BPI: variants seen among roughly 807,000 people sequenced by gnomAD.
The protein encoded by BPI is bactericidal permeability increasing protein, also known as bactericidal permeability-increasing protein.
In BPI, 48 loss-of-function variants were observed where a neutral mutation model predicts 57.6. The ratio of observed to expected loss-of-function variants is 0.83; its 90% confidence interval spans 0.66 to 1.06. BPI has a LOEUF of 1.06. Ranked by LOEUF, BPI falls within the 50% of genes least tolerant of loss-of-function variation. The pLI, the probability that BPI is intolerant of heterozygous loss-of-function variation, is 0.00. For synonymous variants in BPI, 237 were observed against 238.2 expected (o/e 0.99, Z 0.05); for missense variants, 651 against 609.7 (o/e 1.07, Z -0.71).
chr20:38,331,101 G>A lies in BPI; in HGVS notation c.1272+11G>A. On this transcript the variant is annotated intron_variant, in intron 12 of 14. Coordinates refer to ENST00000642449, the MANE Select transcript of BPI (RefSeq NM_001725.3). ...ATTGGCCCCTTCCCGGTGAGTCTGA[G>A]GCCCTTGGTGGCTTCTTCCTCCTTC... 1 of 1,613,848 alleles carries A rather than the reference G, an allele frequency of 6.2e-7. No homozygotes were observed. Among genetic ancestry groups the A allele is most frequent in the South Asian group, 1.1e-5 (1 of 91,068 alleles).
rs2076740075 is a variant in BPI at position 38,331,083 on chromosome 20, C to T, written c.1265C>T (p.Pro422Leu). The T allele has an allele frequency of 6.2e-7, 1 of 1,613,996 alleles. No individual in the cohort carries two copies. The highest frequency in any genetic ancestry group is 1.1e-5 in the South Asian group (1 of 91,076). Residue 422 changes from proline (P) to leucine (L), a missense_variant, in exon 12 of 15, where the codon CCC becomes CTC. Coordinates refer to ENST00000642449, the MANE Select transcript of BPI (RefSeq NM_001725.3). ...GAACTGAAGCACTCAAATATTGGCCCCTTCCCGGTGAGTCTGAGGCCCTTG... is the reference window on the plus strand; with the variant it reads ...GAACTGAAGCACTCAAATATTGGCCTCTTCCCGGTGAGTCTGAGGCCCTTG... ...LLELKHSNIG[P>L]FPVELLQDIM... is the part of the protein sequence containing the mutation.
At chr20:38,316,463 C>A (rs958276879) in intron 5 of BPI, among the ~76,000 whole-genome samples, 3 of 152,198 alleles carry the variant, frequency 2.0e-5, no homozygotes, top group Non-Finnish European at 2.9e-5. Context: ...GCCTGGGCTG[C>A]AAAGTAAGGC....
chr20:38,335,969 T>C (rs181249759), intron 14 of BPI, among the ~76,000 whole-genome samples: 1 of 152,302 alleles, frequency 6.6e-6, no homozygotes, highest in Non-Finnish European at 1.5e-5. Flanking sequence ...GAGCCTCTTT[T>C]TTAAGGTGCA....
Position 38,337,277 on chromosome 20 carries a change from C to G in BPI, c.*93C>G, listed in dbSNP as rs570023783. On this transcript the variant is annotated 3_prime_UTR_variant, in exon 15 of 15. Coordinates refer to ENST00000642449, the MANE Select transcript of BPI (RefSeq NM_001725.3). ...TTTCCCCAGGGAATCCTCTCCAGAT[C>G]TTAACCAAGAGCCCCTTGCAAACTT... The G allele has an allele frequency of 2.7e-6, 3 of 1,124,156 alleles. No individual in the cohort carries two copies. Among genetic ancestry groups the G allele is most frequent in the Non-Finnish European group, 3.8e-6 (3 of 783,418 alleles). The allele number at this position is 1,124,156 out of a possible 1,614,324, so 69.6% of individuals were successfully genotyped here.
chr20:38,326,233 C>T (rs1018779174), intron 9 of BPI, 32 bp from the exon 10 acceptor site: 1 of 1,589,086 alleles, frequency 6.3e-7, no homozygotes, highest in African/African-American at 1.3e-5. Flanking sequence ...GAAACTCCTC[C>T]TTTCGTTGAT....
chr20:38,326,207 C>A (rs181777178), intron 9 of BPI, 58 bp from the exon 10 acceptor site: 1 of 1,543,180 alleles, frequency 6.5e-7, no homozygotes, highest in Admixed American at 1.8e-5. Context: ...AGGTAGGATT[C>A]AGAAACATTT....
intron 5 of BPI, among the ~76,000 whole-genome samples, chr20:38,316,761 T>G (rs2076654167): frequency 1.3e-5 from 2 of 152,286 alleles, no homozygotes; most frequent in South Asian, 4.1e-4. Context: ...CTCCTACCCT[T>G]CTTTCATTGA....
At chr20:38,312,369 C>A (rs1451514152) in intron 5 of BPI, among the ~76,000 whole-genome samples, 1 of 152,256 alleles carries the variant, frequency 6.6e-6, no homozygotes, top group Non-Finnish European at 1.5e-5. Context: ...AAACCCCAGC[C>A]ATAGCCCATT....
intron 9 of BPI, 65 bp downstream of exon 9, chr20:38,324,898 G>A: frequency 7.4e-7 from 1 of 1,345,100 alleles, no homozygotes; most frequent in East Asian, 2.3e-5. Flanking sequence ...GCTTTGCTGA[G>A]TGGATGATGA....
intron 12 of BPI, 122 bp downstream of exon 12, chr20:38,331,212 T>C: frequency 8.1e-7 from 1 of 1,241,628 alleles, no homozygotes; most frequent in Non-Finnish European, 1.2e-6. Flanking sequence ...AATTTGGTTG[T>C]GAATTAATAG....
intron 6 of BPI, 96 bp downstream of exon 6, chr20:38,318,572 A>C: frequency 7.4e-7 from 1 of 1,358,596 alleles, no homozygotes; most frequent in Non-Finnish European, 1.1e-6. Flanking sequence ...AGTTTCCCAG[A>C]CAGCCCTGGG....
chr20:38,305,437 C>T (rs1483068425), intron 1 of BPI, among the ~76,000 whole-genome samples: 1 of 152,208 alleles, frequency 6.6e-6, no homozygotes, highest in Admixed American at 6.5e-5. Context: ...CAAATCCCTA[C>T]ACATCCTCCC....
chr20:38,309,776 C>T (rs1306238049), intron 3 of BPI, among the ~76,000 whole-genome samples: 2 of 152,204 alleles, frequency 1.3e-5, no homozygotes, highest in African/African-American at 4.8e-5. Context: ...CACAGCTACC[C>T]TGCCCATTAG....
At chr20:38,330,916 G>T in intron 11 of BPI, 132 bp from the exon 12 acceptor site, 1 of 1,022,254 alleles carries the variant, frequency 9.8e-7, no homozygotes, top group Non-Finnish European at 1.5e-6. Context: ...GCTGTGACCC[G>T]TGGAAGGGGA....
intron 12 of BPI, 145 bp downstream of exon 12, chr20:38,331,235 C>A: frequency 1.9e-6 from 2 of 1,031,430 alleles, no homozygotes. Context: ...CAAGGAGCTT[C>A]GTGGGCAGAG....
chr20:38,335,552 C>T, intron 13 of BPI, 46 bp from the exon 14 acceptor site: 4 of 1,566,922 alleles, frequency 2.6e-6, no homozygotes, highest in Non-Finnish European at 3.5e-6. Context: ...CTCCCCTGCC[C>T]TTCTCTTTCT....
rs147461869 is a variant in BPI at position 38,327,501 on chromosome 20, G to A, written c.1162-87G>A. 536 of 1,461,828 alleles carry A rather than the reference G, an allele frequency of 3.7e-4. 2 individuals are homozygous for A. In the East Asian group the frequency reaches 0.011, roughly 30 times the overall value. The allele number at this position is 1,461,828 out of a possible 1,614,324, so 90.6% of individuals were successfully genotyped here. ...ACAGTGTATGCTGCCCTGCTGAGCC[G>A]TTGTGAAGCTGACCCTTCTTGGTTT... On this transcript the variant is annotated intron_variant, in intron 10 of 14. Coordinates refer to ENST00000642449, the MANE Select transcript of BPI (RefSeq NM_001725.3).
chr20:38,313,600 G>C (rs1287547061), intron 5 of BPI, among the ~76,000 whole-genome samples: 5 of 152,148 alleles, frequency 3.3e-5, no homozygotes, highest in Admixed American at 3.3e-4. Flanking sequence ...TTATTTCTTA[G>C]TACCATCTAA....
intron 12 of BPI, 73 bp downstream of exon 12, chr20:38,331,163 C>A: frequency 6.5e-7 from 1 of 1,527,534 alleles, no homozygotes; most frequent in Non-Finnish European, 9.1e-7. Flanking sequence ...GTCATAGGCT[C>A]AAGGCATTAT....
Sources: gnomAD v4.1 joint callset for allele counts (sites outside exome capture counted in the v4.1 genomes callset) on GRCh38, gnomAD v4.1.1 for gene constraint, MANE v1.5 for transcripts, NCBI Gene and HGNC (gene_info 2026-07-23, HGNC 2026-07-21) for gene names.